The following UNC13B variants were observed in gnomAD, a reference collection of about 807,000 sequenced individuals.
UNC13B encodes the protein unc-13 homolog B, also known as protein unc-13 homolog B.
In UNC13B, 144 loss-of-function variants were observed where a neutral mutation model predicts 211.0. The ratio of observed to expected loss-of-function variants is 0.68; its 90% confidence interval spans 0.60 to 0.78. UNC13B has a LOEUF of 0.78. UNC13B is among the 30% of genes least tolerant of loss of function. The pLI, the probability that UNC13B is intolerant of heterozygous loss-of-function variation, is 0.00. For missense variants in UNC13B, 1,777 were observed against 2,002.0 expected, an observed-to-expected ratio of 0.89 and a Z score of 2.14; for synonymous variants, 709 against 725.8, an observed-to-expected ratio of 0.98 and a Z score of 0.37.
chr9:35,181,236 T>C (rs1411387317), intron 1 of UNC13B, among the ~76,000 whole-genome samples: 2 of 152,362 alleles, frequency 1.3e-5, no homozygotes, highest in East Asian at 3.9e-4. Flanking sequence ...ATTTCACAGA[T>C]GTAACTAATT....
In UNC13B at chr9:35,259,191, G is replaced by T. The variant is rs932877018; in HGVS notation, c.526+141G>T. The T allele has an allele frequency of 5.8e-6, 5 of 855,444 alleles. No homozygotes were observed. In the Admixed American group the frequency reaches 7.7e-5, roughly 13 times the overall value. The allele number at this position is 855,444 out of a possible 1,614,324, so 53.0% of individuals were successfully genotyped here. ...ATTCCTGAAGCACATCTGTTCAGGC[G>T]CCTTTCTCTGATGGCTGTCTATCTA... On this transcript the variant is annotated intron_variant, in intron 7 of 39. Coordinates refer to ENST00000635942, the MANE Select transcript of UNC13B (RefSeq NM_001371189.2).
rs1220384957 is a variant in UNC13B at position 35,162,316 on chromosome 9, G to C, written c.22+11G>C. 6.5e-7 allele frequency: 1 copy of C among 1,539,874 alleles called. No individual in the cohort carries two copies. Among genetic ancestry groups the C allele is most frequent in the South Asian group, 1.2e-5 (1 of 84,304 alleles). ...TGCTCTGCGTGCGCGGTGAGTGCGC[G>C]GACTGAGGCGGGGAGGCGGGGTGTC... On this transcript the variant is annotated intron_variant, in intron 1 of 39. Transcript: ENST00000635942.
At chr9:35,394,944 A>C (rs1272025253) in intron 26 of UNC13B, among the ~76,000 whole-genome samples, 5 of 152,234 alleles carry the variant, frequency 3.3e-5, no homozygotes, top group Admixed American at 6.5e-5. Flanking sequence ...AGTGAAAATT[A>C]TATGTAGAAA....
chr9:35,370,666 A>G (rs1382216365), intron 13 of UNC13B, among the ~76,000 whole-genome samples: 3 of 152,212 alleles, frequency 2.0e-5, no homozygotes, highest in Non-Finnish European at 2.9e-5. Context: ...GTGTCTTCCT[A>G]TAGGCATCTA....
In UNC13B at chr9:35,403,476, G is replaced by A. The variant is rs761738217; in HGVS notation, c.12614G>A (p.Gly4205Asp). The A allele has an allele frequency of 6.2e-7, 1 of 1,613,934 alleles. No individual in the cohort carries two copies. Among genetic ancestry groups the A allele is most frequent in the East Asian group, 2.2e-5 (1 of 44,890 alleles). The change falls in exon 39 of 40, where the codon GGT (glycine) becomes GAT (aspartate). Residue 4205 changes from glycine to aspartate, a missense_variant. Gly to Asp is a moderately conservative substitution (Grantham distance 94). Coordinates refer to ENST00000635942, the MANE Select transcript of UNC13B (RefSeq NM_001371189.2). Reference sequence around the variant, plus strand: ...AATGACCTCAAGTGGCAGACAGCGGGTATGTTCCGGCCTTTCGTGGAGGTG... The same window carrying A: ...AATGACCTCAAGTGGCAGACAGCGGATATGTTCCGGCCTTTCGTGGAGGTG... ...AANDLKWQTAGMFRPFVEVTM... is the reference protein window; with the variant it reads ...AANDLKWQTADMFRPFVEVTM...
At position 35,215,857 on chromosome 9, in the gene UNC13B, C is replaced by A. The variant is rs1346806709; in HGVS notation, c.23-12158C>A. On this transcript the variant is annotated intron_variant, in intron 1 of 39. Coordinates refer to ENST00000635942, the MANE Select transcript of UNC13B (RefSeq NM_001371189.2). ...GGTGTCTCTGAGCCGGAGTTTTAAT[C>A]GTAATAGAGGGAACTTTCCCTAACT... Among the ~76,000 whole-genome samples, 4 of 152,094 alleles carry A rather than the reference C, an allele frequency of 2.6e-5. No homozygotes were observed. The South Asian group carries it at 8.3e-4, about 31-fold the overall frequency.
At chr9:35,237,255 T>C (rs772846619) in intron 4 of UNC13B, among the ~76,000 whole-genome samples, 1 of 152,170 alleles carries the variant, frequency 6.6e-6, no homozygotes, top group Non-Finnish European at 1.5e-5. Context: ...AAATTGCCTG[T>C]ATTTTCTGTA....
chr9:35,179,445 G>A (rs1280876656), intron 1 of UNC13B, among the ~76,000 whole-genome samples: 1 of 151,992 alleles, frequency 6.6e-6, no homozygotes, highest in Non-Finnish European at 1.5e-5. Context: ...CTTGAATCTC[G>A]CTAGGTAGTG....
chr9:35,375,214 A>G lies in UNC13B; in HGVS notation c.9615+13A>G, dbSNP rs1169334565. 3.1e-6 allele frequency: 5 copies of G among 1,613,860 alleles called. No individual in the cohort carries two copies. The highest frequency in any genetic ancestry group is 1.1e-5 in the South Asian group (1 of 91,086). On this transcript the variant is annotated intron_variant, in intron 14 of 39. Coordinates refer to ENST00000635942, the MANE Select transcript of UNC13B (RefSeq NM_001371189.2). ...GGACGAAGAGCTGGTAAGTGTCCCAAGTGCTTTCGTAAGTCCACTGGCCTC... is the reference window on the plus strand; with the variant it reads ...GGACGAAGAGCTGGTAAGTGTCCCAGGTGCTTTCGTAAGTCCACTGGCCTC...
intron 11 of UNC13B, among the ~76,000 whole-genome samples, chr9:35,345,814 A>G (rs1832319894): frequency 6.6e-6 from 1 of 152,188 alleles, no homozygotes; most frequent in Non-Finnish European, 1.5e-5. Flanking sequence ...ATTATGAGGT[A>G]TTGATATGCC....
chr9:35,244,059 A>G (rs1488604175), intron 6 of UNC13B, among the ~76,000 whole-genome samples: 2 of 152,100 alleles, frequency 1.3e-5, no homozygotes, highest in South Asian at 2.1e-4. Context: ...ATTAGTAACA[A>G]TTGAAGTCAT....
chr9:35,186,608 A>AGC (rs60505489), intron 1 of UNC13B, among the ~76,000 whole-genome samples: 20,210 of 152,108 alleles, frequency 0.13, 1,667 homozygotes, highest in Admixed American at 0.24. Flanking sequence ...AGTGAGAGAG[A>AGC]GGGGACTTCC....
intron 1 of UNC13B, among the ~76,000 whole-genome samples, chr9:35,211,874 T>C (rs533568530): frequency 7.2e-5 from 11 of 152,318 alleles, no homozygotes; most frequent in Admixed American, 1.3e-4. Context: ...GGCGGGAGGA[T>C]GGCTTGAGCC....
At chr9:35,289,875 C>T (rs1353976491) in intron 7 of UNC13B, among the ~76,000 whole-genome samples, 1 of 151,994 alleles carries the variant, frequency 6.6e-6, no homozygotes, top group Non-Finnish European at 1.5e-5. Flanking sequence ...TTCTTGGGAG[C>T]CTGAGGCATG....
At chr9:35,392,426 G>T (rs1046497651) in intron 26 of UNC13B, among the ~76,000 whole-genome samples, 1 of 152,128 alleles carries the variant, frequency 6.6e-6, no homozygotes, top group Non-Finnish European at 1.5e-5. Flanking sequence ...AGGAGAATGG[G>T]CTTTGATAGA....
chr9:35,254,139 A>G lies in UNC13B; in HGVS notation c.469-4854A>G, dbSNP rs538312126. On this transcript the variant is annotated intron_variant, in intron 6 of 39. Transcript: ENST00000635942. Reference sequence around the variant, plus strand: ...GAAGATCCCTACCCTCATGGATCACATAGGCAGAATCAGACAGTAAGCAAG... The same window carrying G: ...GAAGATCCCTACCCTCATGGATCACGTAGGCAGAATCAGACAGTAAGCAAG... 7.2e-4 allele frequency among the ~76,000 whole-genome samples: 110 copies of G among 152,336 alleles called. 1 individual carries two copies. In the Middle Eastern group the frequency reaches 0.031, roughly 42 times the overall value.
chr9:35,198,424 TC>T (rs1485042548), intron 1 of UNC13B, among the ~76,000 whole-genome samples: 1 of 152,230 alleles, frequency 6.6e-6, no homozygotes, highest in Non-Finnish European at 1.5e-5. Flanking sequence ...CTGTGATGCT[TC>T]CTGTACAGCC....
intron 11 of UNC13B, among the ~76,000 whole-genome samples, chr9:35,315,054 A>ATTTTT (rs1156782392): frequency 7.4e-6 from 1 of 135,370 alleles, no homozygotes; most frequent in Non-Finnish European, 1.6e-5. Flanking sequence ...TTTAAAAAAA[A>ATTTTT]TTTTTTTTTT....
intron 8 of UNC13B, among the ~76,000 whole-genome samples, chr9:35,298,216 T>C (rs576624146): frequency 6.6e-6 from 1 of 152,280 alleles, no homozygotes; most frequent in East Asian, 1.9e-4. Flanking sequence ...TCCAAGAGCT[T>C]GAGACCAGCC....
Sources: allele counts gnomAD v4.1 joint callset (sites outside exome capture counted in the v4.1 genomes callset), GRCh38; gene constraint gnomAD v4.1.1; transcripts MANE v1.5; gene names NCBI Gene and HGNC (gene_info 2026-07-23, HGNC 2026-07-21).